Variants in HTRA1 observed in about 807,000 individuals in gnomAD.
The protein encoded by HTRA1 is serine protease HTRA1.
In HTRA1, 26 loss-of-function variants were observed where a neutral mutation model predicts 49.7. That is an observed-to-expected ratio of 0.52 (90% CI 0.38 to 0.73). The LOEUF (loss-of-function observed/expected upper bound fraction) is 0.73. Ranked by LOEUF, HTRA1 falls within the 30% of genes least tolerant of loss-of-function variation. HTRA1 has a pLI of 0.00. For synonymous variants in HTRA1, 291 were observed against 286.9 expected, an observed-to-expected ratio of 1.01 and a Z score of -0.14; for missense variants, 561 against 667.2, an observed-to-expected ratio of 0.84 and a Z score of 1.75.
chr10:122,483,108 A>G (rs1227192746), intron 1 of HTRA1, among the ~76,000 whole-genome samples: 3 of 151,764 alleles, frequency 2.0e-5, no homozygotes, highest in African/African-American at 4.8e-5. Flanking sequence ...GTAACATGAC[A>G]TATTGGAGAA....
intron 3 of HTRA1, among the ~76,000 whole-genome samples, chr10:122,503,886 G>A (rs1265732915): frequency 6.6e-6 from 1 of 152,218 alleles, no homozygotes; most frequent in Non-Finnish European, 1.5e-5. Flanking sequence ...ATGATCACTG[G>A]TGGTGCCCAT....
At chr10:122,501,004 C>T (rs530012963) in intron 3 of HTRA1, among the ~76,000 whole-genome samples, 1 of 152,272 alleles carries the variant, frequency 6.6e-6, no homozygotes, top group East Asian at 1.9e-4. Context: ...CTCTGTGTGC[C>T]CTGAGCATCT....
chr10:122,514,127 TAA>T lies in HTRA1; in HGVS notation c.1275-62_1275-61del. The stretch of plus-strand genomic sequence containing the variant: ...GTTCTAAGCTGTGCCTCTGTCCATG[TAA>T]AGTCAGACCAGGAGGAATGGAAACA... On this transcript the variant is annotated intron_variant, in intron 8 of 8. Coordinates refer to ENST00000368984, the MANE Select transcript of HTRA1 (RefSeq NM_002775.5). 1.3e-6 allele frequency: 2 copies of T among 1,504,828 alleles called. 1 individual carries two copies. Among genetic ancestry groups the T allele is most frequent in the East Asian group, 4.5e-5 (2 of 44,416 alleles). The allele number at this position is 1,504,828 out of a possible 1,614,324, so 93.2% of individuals were successfully genotyped here.
chr10:122,479,659 G>A (rs2097490128), intron 1 of HTRA1, among the ~76,000 whole-genome samples: 1 of 152,292 alleles, frequency 6.6e-6, no homozygotes, highest in Admixed American at 6.5e-5. Context: ...TGAATGCAGG[G>A]GGATGGGGTG....
chr10:122,477,081 C>A (rs2097488859), intron 1 of HTRA1, among the ~76,000 whole-genome samples: 1 of 151,678 alleles, frequency 6.6e-6, no homozygotes, highest in Non-Finnish European at 1.5e-5. Context: ...CATTCTCCTG[C>A]CTCAGCCTCC....
chr10:122,499,099 C>T (rs929790836), intron 3 of HTRA1, among the ~76,000 whole-genome samples: 7 of 152,166 alleles, frequency 4.6e-5, no homozygotes, highest in African/African-American at 1.7e-4. Flanking sequence ...GGTCAAGCCA[C>T]TCCCACCCTG....
chr10:122,489,278 A>T, intron 2 of HTRA1, 144 bp from the exon 3 acceptor site: 2 of 839,924 alleles, frequency 2.4e-6, no homozygotes, highest in South Asian at 1.5e-5. Flanking sequence ...AATTGGCAGG[A>T]TGTTTAGTGT....
intron 7 of HTRA1, among the ~76,000 whole-genome samples, chr10:122,511,313 A>G (rs2097505461): frequency 6.6e-6 from 1 of 152,214 alleles, no homozygotes; most frequent in Non-Finnish European, 1.5e-5. Context: ...AAATGAAGGC[A>G]CAGAGAAGTT....
At chr10:122,512,665 G>A (rs1395355954) in intron 8 of HTRA1, among the ~76,000 whole-genome samples, 1 of 152,168 alleles carries the variant, frequency 6.6e-6, no homozygotes, top group Non-Finnish European at 1.5e-5. Context: ...GGAGCTGTGG[G>A]CTAAGAATAG....
intron 3 of HTRA1, among the ~76,000 whole-genome samples, chr10:122,500,169 CA>C (rs1421858028): frequency 4.6e-5 from 7 of 152,122 alleles, no homozygotes; most frequent in Admixed American, 4.6e-4. Context: ...ACCGATGGGT[CA>C]TTGCTTTTCA....
intron 1 of HTRA1, among the ~76,000 whole-genome samples, chr10:122,470,965 G>C (rs182687767): frequency 1.8e-3 from 268 of 152,052 alleles, no homozygotes; most frequent in African/African-American, 6.3e-3. Flanking sequence ...CCAAATGCAG[G>C]GTTCACTACC....
chr10:122,477,254 A>C (rs1023855491), intron 1 of HTRA1, among the ~76,000 whole-genome samples: 2 of 152,158 alleles, frequency 1.3e-5, no homozygotes, highest in African/African-American at 2.4e-5. Flanking sequence ...GGTGTGAGCC[A>C]CCATGCCCGG....
intron 1 of HTRA1, among the ~76,000 whole-genome samples, chr10:122,483,709 A>G (rs1357790758): frequency 6.6e-6 from 1 of 152,206 alleles, no homozygotes; most frequent in Non-Finnish European, 1.5e-5. Context: ...CTGATCTACA[A>G]GTGTGGTATT....
intron 1 of HTRA1, among the ~76,000 whole-genome samples, chr10:122,466,375 G>A (rs2097483800): frequency 6.6e-6 from 1 of 152,136 alleles, no homozygotes; most frequent in Non-Finnish European, 1.5e-5. Context: ...CACCGTGTTA[G>A]CCAGGATGGT....
chr10:122,472,625 C>A (rs1421927945), intron 1 of HTRA1, among the ~76,000 whole-genome samples: 2 of 152,106 alleles, frequency 1.3e-5, no homozygotes, highest in Non-Finnish European at 2.9e-5. Context: ...GAACTCCTGG[C>A]CTCAAGTGAT....
chr10:122,504,461 C>T (rs887989304), intron 3 of HTRA1, among the ~76,000 whole-genome samples: 2 of 152,158 alleles, frequency 1.3e-5, no homozygotes, highest in African/African-American at 2.4e-5. Flanking sequence ...TGTGGTGAAG[C>T]AGACGCCTGC....
At chr10:122,496,171 C>G (rs546845687) in intron 3 of HTRA1, among the ~76,000 whole-genome samples, 8 of 137,468 alleles carry the variant, frequency 5.8e-5, no homozygotes, top group African/African-American at 2.2e-4. Context: ...GTGGCCGCGG[C>G]GAGCAGGAAG....
At chr10:122,509,953 C>T (rs1591041479) in intron 6 of HTRA1, 143 bp from the exon 7 acceptor site, 1 of 732,470 alleles carries the variant, frequency 1.4e-6, no homozygotes, top group South Asian at 1.5e-5. Flanking sequence ...GGGAGGGGTC[C>T]AGACCAGGAT....
At chr10:122,492,852 C>T (rs1393844907) in intron 3 of HTRA1, among the ~76,000 whole-genome samples, 1 of 152,110 alleles carries the variant, frequency 6.6e-6, no homozygotes, top group South Asian at 2.1e-4. Flanking sequence ...AGCAGAGGCT[C>T]CCCTTGGAAT....
Sources: gnomAD v4.1 joint callset for allele counts (sites outside exome capture counted in the v4.1 genomes callset) on GRCh38, gnomAD v4.1.1 for gene constraint, MANE v1.5 for transcripts, NCBI Gene and HGNC (gene_info 2026-07-23, HGNC 2026-07-21) for gene names.